Variants in RPTOR observed in about 807,000 individuals in gnomAD.
RPTOR encodes regulatory associated protein of MTOR complex 1, also known as regulatory-associated protein of mTOR.
In RPTOR, 21 loss-of-function variants were observed where a neutral mutation model predicts 169.9. The observed-to-expected ratio is 0.12, with a 90% CI of 0.09 to 0.18. RPTOR has a LOEUF of 0.18. Ranked by LOEUF, RPTOR falls within the 10% of genes least tolerant of loss-of-function variation. RPTOR has a pLI of 1.00. For synonymous variants in RPTOR, 732 were observed against 753.2 expected (o/e 0.97, Z 0.46); for missense variants, 1,133 against 1,855.9 (o/e 0.61, Z 7.16).
At position 80,957,862 on chromosome 17, in the gene RPTOR, A is replaced by T; in HGVS notation, c.3477+132A>T. ...AGGGGTGGAGTCAGGGCCTGGGAGGACAGTGCCGGGACAATGCTGGGAGGA... is the reference window on the plus strand; with the variant it reads ...AGGGGTGGAGTCAGGGCCTGGGAGGTCAGTGCCGGGACAATGCTGGGAGGA... On this transcript the variant is annotated intron_variant, in intron 29 of 33. Transcript: ENST00000306801. The surrounding 1 kb of genome is among the most constrained non-coding windows in gnomAD (Gnocchi z 4.6). The T allele has an allele frequency of 1.3e-6, 1 of 782,954 alleles. No individual in the cohort carries two copies. The highest frequency in any genetic ancestry group is 2.1e-6 in the Non-Finnish European group (1 of 470,590). The allele number at this position is 782,954 out of a possible 1,614,324, so 48.5% of individuals were successfully genotyped here.
At chr17:80,879,302 G>A (rs955184187) in intron 13 of RPTOR, among the ~76,000 whole-genome samples, 3 of 150,884 alleles carry the variant, frequency 2.0e-5, no homozygotes, top group Admixed American at 6.6e-5. Flanking sequence ...TGTCCTTCCC[G>A]GCTGCAGCTC....
chr17:80,917,812 C>T (rs541903026), intron 21 of RPTOR, among the ~76,000 whole-genome samples: 2 of 152,314 alleles, frequency 1.3e-5, no homozygotes, highest in South Asian at 2.1e-4. Context: ...GCTCAGGGCC[C>T]CTCCGGGAAT....
chr17:80,939,840 G>A (rs1218393484), intron 24 of RPTOR, among the ~76,000 whole-genome samples: 1 of 152,230 alleles, frequency 6.6e-6, no homozygotes, highest in Non-Finnish European at 1.5e-5. Context: ...GCTGCTCAGT[G>A]CTGACCTCAG....
At chr17:80,637,054 T>A (rs2065513166) in intron 2 of RPTOR, among the ~76,000 whole-genome samples, 1 of 152,156 alleles carries the variant, frequency 6.6e-6, no homozygotes, top group Admixed American at 6.5e-5. Flanking sequence ...TCCCCAGTGC[T>A]TTATGTAGAA....
rs1016127311 is a variant in RPTOR at position 80,961,452 on chromosome 17, C to G, written c.3664C>G (p.Arg1222Gly). 1.3e-6 allele frequency: 2 copies of G among 1,551,310 alleles called. No individual in the cohort carries two copies. Among genetic ancestry groups the G allele is most frequent in the Middle Eastern group, 2.0e-4 (1 of 5,008 alleles). ...GGTGGTGAAGGCCTCCCTGCAGAAG[C>G]GTCCCGACGGCCACATCGTGAGTGT... ...AWVVKASLQK[R>G]PDGHIVSVSV... Residue 1222 changes from arginine (R) to glycine (G), a missense_variant, in exon 31 of 34, where the codon CGT becomes GGT. Transcript: ENST00000306801.
chr17:80,925,788 A>G (rs1369938401), intron 24 of RPTOR, among the ~76,000 whole-genome samples: 3 of 152,216 alleles, frequency 2.0e-5, no homozygotes, highest in African/African-American at 4.8e-5. Flanking sequence ...GCCCATCCCA[A>G]GGCCACGCTT....
At chr17:80,853,041 T>C (rs1039319667) in intron 11 of RPTOR, among the ~76,000 whole-genome samples, 7 of 152,130 alleles carry the variant, frequency 4.6e-5, no homozygotes, top group African/African-American at 1.4e-4. Flanking sequence ...CATCTCCGTA[T>C]TGGCACCCTG....
In RPTOR at chr17:80,823,003, G is replaced by A. The variant is rs933431887; in HGVS notation, c.992-76G>A. The A allele has an allele frequency of 5.3e-6, 8 of 1,514,032 alleles. No individual in the cohort carries two copies. Among genetic ancestry groups the A allele is most frequent in the Non-Finnish European group, 7.2e-6 (8 of 1,118,378 alleles). 93.8% of individuals were successfully genotyped at this position (1,514,032 alleles called of 1,614,324 possible). The stretch of plus-strand genomic sequence containing the variant: ...CCAACTTTAGTAATTTTTGATAGAA[G>A]TGAATTTGTGTATTTGGCTTTAAAT... On this transcript the variant is annotated intron_variant, in intron 8 of 33. Transcript: ENST00000306801. The surrounding 1 kb of genome is among the most constrained non-coding windows in gnomAD (Gnocchi z 4.5).
rs138587440 is a variant in RPTOR, at chr17:80,889,445, G to C, written c.1984-2275G>C. Among the ~76,000 whole-genome samples the C allele has an allele frequency of 7.0e-3, 1,059 of 152,332 alleles. 10 individuals are homozygous for C. Among genetic ancestry groups the C allele is most frequent in the African/African-American group, 0.023 (957 of 41,582 alleles). On this transcript the variant is annotated intron_variant, in intron 17 of 33. Coordinates refer to ENST00000306801, the MANE Select transcript of RPTOR (RefSeq NM_020761.3). Reference sequence around the variant, plus strand: ...AATGGCTTTGACAAGCGACCGGTCAGAGGACCTGGGAAGCCTGGCCAGTGT... The same window carrying C: ...AATGGCTTTGACAAGCGACCGGTCACAGGACCTGGGAAGCCTGGCCAGTGT...
chr17:80,879,438 C>T (rs1160492956), intron 13 of RPTOR, among the ~76,000 whole-genome samples: 1 of 150,692 alleles, frequency 6.6e-6, no homozygotes, highest in Non-Finnish European at 1.5e-5. Flanking sequence ...TTTCTCCTCC[C>T]ACTCCCACAT....
intron 4 of RPTOR, among the ~76,000 whole-genome samples, chr17:80,724,755 C>G (rs2066316480): frequency 6.6e-6 from 1 of 152,212 alleles, no homozygotes; most frequent in Admixed American, 6.5e-5. Flanking sequence ...GCCCCCCGTT[C>G]CCTCCTCTGC....
intron 6 of RPTOR, among the ~76,000 whole-genome samples, chr17:80,785,658 T>A (rs2066983730): frequency 6.6e-6 from 1 of 152,106 alleles, no homozygotes; most frequent in Admixed American, 6.5e-5. Context: ...GCTGGAGGAA[T>A]GTTTTGTGGC....
intron 3 of RPTOR, among the ~76,000 whole-genome samples, chr17:80,674,430 T>C (rs1217508030): frequency 2.6e-5 from 4 of 152,186 alleles, no homozygotes; most frequent in African/African-American, 9.7e-5. Flanking sequence ...CTGGAAAATA[T>C]CTAGGTGACC....
intron 3 of RPTOR, among the ~76,000 whole-genome samples, chr17:80,674,983 C>T (rs2065852068): frequency 6.6e-6 from 1 of 152,092 alleles, no homozygotes; most frequent in East Asian, 1.9e-4. Flanking sequence ...CCAACTAGGA[C>T]TCAGTCACCC....
intron 2 of RPTOR, among the ~76,000 whole-genome samples, chr17:80,627,162 G>A (rs867774308): frequency 7.2e-5 from 11 of 152,152 alleles, no homozygotes; most frequent in South Asian, 2.1e-4. Context: ...TGGACTTATA[G>A]GCACCTGCCA....
rs143462309 is a variant in RPTOR at position 80,847,424 on chromosome 17, G to A, written c.1314+850G>A. Among the ~76,000 whole-genome samples the A allele has an allele frequency of 2.4e-3, 359 of 152,370 alleles. No homozygotes were observed. The Middle Eastern group carries it at 0.024, about 10-fold the overall frequency. On this transcript the variant is annotated intron_variant, in intron 11 of 33. Coordinates refer to ENST00000306801, the MANE Select transcript of RPTOR (RefSeq NM_020761.3). ...GGTGAATGTGTGTTTGTGGGGAAGT[G>A]TGTGGGCTGAGTCAGAGTCAAAGGA...
chr17:80,700,391 G>T (rs1289970397), intron 3 of RPTOR, among the ~76,000 whole-genome samples: 1 of 150,848 alleles, frequency 6.6e-6, no homozygotes, highest in Non-Finnish European at 1.5e-5. Context: ...GGTGATGGTG[G>T]TAGTGGTGGT....
At position 80,618,320 on chromosome 17, in the gene RPTOR, T is replaced by C. The variant is rs186715819; in HGVS notation, c.163-7371T>C. ...TGCAGTTTCTATAATAAACTTTTTT[T>C]CCCCCAGAATAAAACTAGCACCTTT... On this transcript the variant is annotated intron_variant, in intron 1 of 33. Coordinates refer to ENST00000306801, the MANE Select transcript of RPTOR (RefSeq NM_020761.3). Among the ~76,000 whole-genome samples, 820 of 152,338 alleles carry C rather than the reference T, an allele frequency of 5.4e-3. 7 individuals carry two copies. Among genetic ancestry groups the C allele is most frequent in the Middle Eastern group, 0.051 (15 of 294 alleles).
intron 1 of RPTOR, among the ~76,000 whole-genome samples, chr17:80,574,816 C>T (rs950957709): frequency 2.3e-5 from 3 of 130,426 alleles, no homozygotes; most frequent in Admixed American, 1.9e-4. Flanking sequence ...CCACCAAGCC[C>T]AGCTTATTTA....
Sources: gnomAD v4.1 joint callset for allele counts (sites outside exome capture counted in the v4.1 genomes callset) on GRCh38, gnomAD v4.1.1 for gene constraint, Gnocchi (gnomAD v3.1) non-coding constraint, MANE v1.5 for transcripts, NCBI Gene and HGNC (gene_info 2026-07-23, HGNC 2026-07-21) for gene names.